SH3BGRL: variants seen among roughly 807,000 people sequenced by gnomAD.
SH3BGRL encodes adapter SH3BGRL.
SH3BGRL carries 7 observed loss-of-function variants against 9.8 expected under a neutral mutation model. The ratio of observed to expected loss-of-function variants is 0.72; its 90% CI spans 0.41 to 1.35. The LOEUF is 1.35. Ranked by LOEUF, SH3BGRL falls within the 40% of genes most tolerant of loss-of-function variation. The pLI, the probability that SH3BGRL is intolerant of heterozygous loss-of-function variation, is 0.01. For synonymous variants in SH3BGRL, 36 were observed against 29.1 expected (o/e 1.24, Z -0.76); for missense variants, 73 against 84.4 (o/e 0.86, Z 0.53).
At chrX:81,226,573 A>ATATT (rs1362798337) in intron 1 of SH3BGRL, among the ~76,000 whole-genome samples, 45 of 102,334 alleles carry the variant, frequency 4.4e-4, no homozygotes, top group African/African-American at 1.5e-3. Context: ...TATTTTGTTT[A>ATATT]TATTTTATCT....
chrX:81,266,336 T>C (rs956975712), intron 1 of SH3BGRL, among the ~76,000 whole-genome samples: 3 of 112,037 alleles, frequency 2.7e-5, no homozygotes, highest in African/African-American at 9.7e-5. Flanking sequence ...TCCTAGGTCT[T>C]ACATTTAAGT....
intron 1 of SH3BGRL, among the ~76,000 whole-genome samples, chrX:81,216,640 A>T (rs766943611): frequency 1.8e-5 from 2 of 110,878 alleles, no homozygotes; most frequent in Non-Finnish European, 3.8e-5. Context: ...CTCTATCTCC[A>T]TGAGTTCAAT....
intron 1 of SH3BGRL, among the ~76,000 whole-genome samples, chrX:81,247,013 G>C (rs888456060): frequency 2.7e-5 from 3 of 111,731 alleles, no homozygotes; most frequent in Non-Finnish European, 5.6e-5. Flanking sequence ...TTTTGTTATA[G>C]AGATCTTTCA....
chrX:81,291,588 C>T (rs753541242), intron 3 of SH3BGRL, among the ~76,000 whole-genome samples: 1 of 111,843 alleles, frequency 8.9e-6, no homozygotes, highest in East Asian at 2.8e-4. Context: ...TTTCACATTG[C>T]AAAATACTGT....
chrX:81,209,699 T>A (rs1004073855), intron 1 of SH3BGRL, among the ~76,000 whole-genome samples: 1 of 112,103 alleles, frequency 8.9e-6, no homozygotes, highest in African/African-American at 3.2e-5. Context: ...GAGGGGATGA[T>A]GTCTAAGTAG....
At chrX:81,251,769 G>T (rs1487896773) in intron 1 of SH3BGRL, among the ~76,000 whole-genome samples, 2 of 111,920 alleles carry the variant, frequency 1.8e-5, no homozygotes, top group East Asian at 5.5e-4. Flanking sequence ...GAAAACTGAG[G>T]CTGTGGAACC....
chrX:81,291,357 A>C (rs1221296079), intron 3 of SH3BGRL, among the ~76,000 whole-genome samples: 1 of 111,362 alleles, frequency 9.0e-6, no homozygotes, highest in Non-Finnish European at 1.9e-5. Flanking sequence ...GCACATCTAC[A>C]CTTGTTGGCA....
At chrX:81,213,165 G>T (rs747487393) in intron 1 of SH3BGRL, among the ~76,000 whole-genome samples, 1 of 111,851 alleles carries the variant, frequency 8.9e-6, no homozygotes, top group African/African-American at 3.3e-5. Context: ...GGAAGAAAAT[G>T]AAATTTGAAA....
At chrX:81,267,332 C>T (rs771621277) in intron 1 of SH3BGRL, among the ~76,000 whole-genome samples, 95 of 111,583 alleles carry the variant, frequency 8.5e-4, no homozygotes, top group Non-Finnish European at 1.6e-3. Flanking sequence ...AGTATGACAT[C>T]GGCTGTGGGT....
At chrX:81,210,689 C>T (rs1406333326) in intron 1 of SH3BGRL, among the ~76,000 whole-genome samples, 3 of 111,898 alleles carry the variant, frequency 2.7e-5, no homozygotes, top group Non-Finnish European at 5.6e-5. Flanking sequence ...CTATGCTATT[C>T]TTCCCACTTG....
intron 1 of SH3BGRL, among the ~76,000 whole-genome samples, chrX:81,272,656 C>T (rs188478567): frequency 1.8e-5 from 2 of 109,439 alleles, no homozygotes; most frequent in Admixed American, 9.7e-5. Flanking sequence ...CCTGACACCA[C>T]GCCCGGCTAA....
At chrX:81,289,627 A>G (rs142822203) in intron 3 of SH3BGRL, among the ~76,000 whole-genome samples, 1,584 of 111,158 alleles carry the variant, frequency 0.014, 28 homozygotes, top group African/African-American at 0.048. Context: ...GGAGACTAAG[A>G]CGGGCAGATC....
In SH3BGRL at chrX:81,238,148, C is replaced by T. The variant is rs144978437; in HGVS notation, c.45+35903C>T. 5.8e-3 allele frequency among the ~76,000 whole-genome samples: 634 copies of T among 110,147 alleles called. 8 individuals carry two copies. The highest frequency in any genetic ancestry group is 0.02 in the African/African-American group (613 of 30,276). On this transcript the variant is annotated intron_variant, in intron 1 of 3. Coordinates refer to ENST00000373212, the MANE Select transcript of SH3BGRL (RefSeq NM_003022.3). ...TCTCTGATTGTAAGCTTAAGGTACCCGCTTGGCTGGCCACAGGAGGGTAGA... is the reference window on the plus strand; with the variant it reads ...TCTCTGATTGTAAGCTTAAGGTACCTGCTTGGCTGGCCACAGGAGGGTAGA...
intron 1 of SH3BGRL, among the ~76,000 whole-genome samples, chrX:81,225,127 A>G (rs1322968965): frequency 9.0e-6 from 1 of 111,168 alleles, no homozygotes; most frequent in African/African-American, 3.3e-5. Flanking sequence ...GTAAGCTCTG[A>G]CATCTCCAGT....
intron 3 of SH3BGRL, among the ~76,000 whole-genome samples, chrX:81,283,848 G>A (rs1043701295): frequency 9.0e-6 from 1 of 110,943 alleles, no homozygotes; most frequent in Non-Finnish European, 1.9e-5. Flanking sequence ...GAAATAAAGG[G>A]CATCCAAATT....
At chrX:81,297,068 A>G in intron 3 of SH3BGRL, 127 bp from the exon 4 acceptor site, 1 of 445,412 alleles carries the variant, frequency 2.2e-6, no homozygotes, top group Non-Finnish European at 3.7e-6. Context: ...AGAACTTTTT[A>G]AGAAATCTCT....
intron 1 of SH3BGRL, among the ~76,000 whole-genome samples, chrX:81,242,382 C>A (rs370287649): frequency 9.0e-6 from 1 of 111,690 alleles, no homozygotes; most frequent in African/African-American, 3.3e-5. Flanking sequence ...TGAAAGTAGA[C>A]CCCTATCTCT....
At chrX:81,236,903 GA>G (rs1430789896) in intron 1 of SH3BGRL, among the ~76,000 whole-genome samples, 6 of 71,736 alleles carry the variant, frequency 8.4e-5, no homozygotes, top group Admixed American at 4.5e-4. Context: ...GGCTGAGGGA[GA>G]GAGAGAGAGA....
chrX:81,297,694 A>G lies in SH3BGRL; in HGVS notation c.*467A>G, dbSNP rs2075880170. The G allele has an allele frequency of 8.9e-6, 1 of 112,313 alleles. No individual in the cohort carries two copies. The highest frequency in any genetic ancestry group is 3.6e-4 in the South Asian group (1 of 2,740). The allele number at this position is 112,313 out of a possible 1,213,427, so 9.3% of individuals were successfully genotyped here. A position where few individuals can be genotyped will look rare whatever the true frequency, so the allele number is the denominator to read the frequency against. ...ATTACTGCGATTAAAAAGTTCTTGC[A>G]GGTAATGTTTATGATATGTTAAACG... On this transcript the variant is annotated 3_prime_UTR_variant, in exon 4 of 4. Coordinates refer to ENST00000373212, the MANE Select transcript of SH3BGRL (RefSeq NM_003022.3).
Sources: gnomAD v4.1 joint callset for allele counts (sites outside exome capture counted in the v4.1 genomes callset) on GRCh38, gnomAD v4.1.1 for gene constraint, MANE v1.5 for transcripts, NCBI Gene and HGNC (gene_info 2026-07-23, HGNC 2026-07-21) for gene names.